The following MST1R variants were observed in gnomAD, a reference collection of about 807,000 sequenced individuals.
The protein encoded by MST1R is macrophage stimulating 1 receptor.
In MST1R, 99 loss-of-function variants were observed where a neutral mutation model predicts 117.8. The ratio of observed to expected loss-of-function variants is 0.84; its 90% confidence interval spans 0.71 to 0.99. MST1R has a LOEUF of 0.99. MST1R is among the 50% of genes least tolerant of loss of function. MST1R has a pLI of 0.00. For missense variants in MST1R, 1,683 were observed against 1,840.2 expected, an observed-to-expected ratio of 0.91 and a Z score of 1.56; for synonymous variants, 734 against 765.3, an observed-to-expected ratio of 0.96 and a Z score of 0.68.
Position 49,903,649 on chromosome 3 carries a change from G to T in MST1R, c.-40C>A, listed in dbSNP as rs1186503115. On this transcript the variant is annotated 5_prime_UTR_variant, in exon 1 of 20. Transcript: ENST00000296474. ...ACCCTAGAGGATCCCTACCGGCCTGGGCCTGGACCTGGGCGTGGGCCTGGC... is the reference window on the plus strand; with the variant it reads ...ACCCTAGAGGATCCCTACCGGCCTGTGCCTGGACCTGGGCGTGGGCCTGGC... 1.3e-6 allele frequency: 2 copies of T among 1,524,512 alleles called. No homozygotes were observed. The highest frequency in any genetic ancestry group is 1.3e-5 in the South Asian group (1 of 78,428). 94.4% of individuals were successfully genotyped at this position (1,524,512 alleles called of 1,614,324 possible). A position where few individuals can be genotyped will look rare whatever the true frequency, so the allele number is the denominator to read the frequency against.
intron 17 of MST1R, among the ~76,000 whole-genome samples, 189 bp downstream of exon 17, chr3:49,891,008 G>C (rs964190905): frequency 2.6e-5 from 4 of 152,156 alleles, no homozygotes; most frequent in African/African-American, 9.7e-5. Context: ...TTACAGACGT[G>C]AGCCACCGCG....
Position 49,891,748 on chromosome 3 carries a change from C to T in MST1R, c.3352+10G>A, listed in dbSNP as rs750872927. On this transcript the variant is annotated intron_variant, in intron 15 of 19. Transcript: ENST00000296474. ...CCTCCCTCTGCCTTCCCATCTTCTG[C>T]CCCACTTACGACTTAGTGACTTGAT... The T allele has an allele frequency of 6.2e-6, 10 of 1,613,878 alleles. No homozygotes were observed. The Admixed American group carries it at 1.3e-4, about 22-fold the overall frequency.
At chr3:49,894,172 G>A (rs909322195) in intron 14 of MST1R, among the ~76,000 whole-genome samples, 6 of 151,192 alleles carry the variant, frequency 4.0e-5, no homozygotes, top group Non-Finnish European at 7.4e-5. Context: ...CCGAGATCGC[G>A]CCATTGCACT....
intron 7 of MST1R, 77 bp from the exon 8 acceptor site, chr3:49,896,967 C>CCTCTCCCAGTTCGTCTGTTAT (rs2082498017): frequency 9.1e-6 from 13 of 1,427,200 alleles, no homozygotes; most frequent in South Asian, 1.5e-5. Flanking sequence ...GGCCTGTTGA[C>CCTCTCCCAGTTCGTCTGTTAT]CTCTCCCAGT....
rs548380699 is a variant in MST1R at position 49,887,462 on chromosome 3, C to T, written c.4048G>A (p.Gly1350Arg). 6.2e-7 allele frequency: 1 copy of T among 1,614,228 alleles called. No homozygotes were observed. Among genetic ancestry groups the T allele is most frequent in the South Asian group, 1.1e-5 (1 of 91,088 alleles). ...GCTGGCAGCTGCACATAATGGTCCC[C>T]AAGCAGTGCAGACACTATCTGCTCC... The part of the protein sequence containing the change: ...EVEQIVSALL[G>R]DHYVQLPATY... The change falls in exon 20 of 20, where the codon GGG becomes AGG. Residue 1350 changes from glycine (G) to arginine (R), a missense_variant. Physicochemically the swap from Gly to Arg is moderately radical, Grantham distance 125. Coordinates refer to ENST00000296474, the MANE Select transcript of MST1R (RefSeq NM_002447.4).
At chr3:49,889,683 G>A (rs945996887) in intron 19 of MST1R, among the ~76,000 whole-genome samples, 2 of 152,066 alleles carry the variant, frequency 1.3e-5, no homozygotes, top group African/African-American at 2.4e-5. Context: ...ATCAAACCAC[G>A]GGCCTCAACC....
intron 1 of MST1R, among the ~76,000 whole-genome samples, chr3:49,901,027 TG>T (rs1389380826): frequency 2.6e-5 from 4 of 152,204 alleles, no homozygotes; most frequent in African/African-American, 9.6e-5. Context: ...TTAGTCTTCC[TG>T]GAGCCTGGCA....
Position 49,896,593 on chromosome 3 carries a change from C to A in MST1R, c.2386G>T (p.Ala796Ser). ...ITICGQHLTS[A>S]WHLVLSFHDG... ...TGGAATGACAGCACTAAGTGCCATG[C>A]TGAAGTTAGATGCTGGCCACAGATG... Residue 796 changes from alanine (A) to serine (S), a missense_variant, in exon 9 of 20, where the codon GCA (alanine) becomes TCA (serine). Ala to Ser is a moderately conservative substitution (Grantham distance 99). Coordinates refer to ENST00000296474, the MANE Select transcript of MST1R (RefSeq NM_002447.4). 1 of 1,614,186 alleles carries A rather than the reference C, an allele frequency of 6.2e-7. No individual in the cohort carries two copies. Among genetic ancestry groups the A allele is most frequent in the South Asian group, 1.1e-5 (1 of 91,070 alleles).
Position 49,895,206 on chromosome 3 carries a change from C to T in MST1R, c.3232G>A (p.Glu1078Lys), listed in dbSNP as rs747839672. 1 of 1,614,184 alleles carries T rather than the reference C, an allele frequency of 6.2e-7. No individual in the cohort carries two copies. The highest frequency in any genetic ancestry group is 2.2e-5 in the East Asian group (1 of 44,882). Residue 1078 changes from glutamate to lysine, a missense_variant, in exon 14 of 20, where the codon GAG becomes AAG. Glu to Lys is a moderately conservative substitution (Grantham distance 56, BLOSUM62 1). Transcript: ENST00000296474. Reference protein sequence around the residue: ...AEVKDVLIPHERVVTHSDRVI... With the variant: ...AEVKDVLIPHKRVVTHSDRVI... ...CGGTCACTGTGGGTGACCACCCGCT[C>T]ATGGGGAATCAGCACATCCTTGACC...
chr3:49,889,042 T>A (rs2082238994), intron 19 of MST1R, among the ~76,000 whole-genome samples: 1 of 152,232 alleles, frequency 6.6e-6, no homozygotes, highest in African/African-American at 2.4e-5. Flanking sequence ...AGTAACTGAT[T>A]AATGCCTGGT....
chr3:49,897,593 G>C lies in MST1R; in HGVS notation c.1973C>G (p.Thr658Ser). The C allele has an allele frequency of 6.2e-7, 1 of 1,614,170 alleles. No individual in the cohort carries two copies. Among genetic ancestry groups the C allele is most frequent in the Non-Finnish European group, 8.5e-7 (1 of 1,180,046 alleles). Residue 658 changes from threonine to serine, a missense_variant, in exon 6 of 20, where the codon ACC becomes AGC. Thr to Ser is a moderately conservative substitution (Grantham distance 58, BLOSUM62 1). Transcript: ENST00000296474. ...QAVGPTNVSL[T>S]VTNMPPGKHF... Reference sequence around the variant, plus strand: ...CTTGCCCGGTGGCATGTTAGTCACGGTGAGGCTGACGTTGGTAGGCCCCAC... The same window carrying C: ...CTTGCCCGGTGGCATGTTAGTCACGCTGAGGCTGACGTTGGTAGGCCCCAC...
intron 1 of MST1R, among the ~76,000 whole-genome samples, chr3:49,900,322 G>A (rs1253308528): frequency 6.6e-6 from 1 of 152,168 alleles, no homozygotes; most frequent in African/African-American, 2.4e-5. Context: ...CTCCAGGGGA[G>A]GACTGTGGAA....
At position 49,899,083 on chromosome 3, in the gene MST1R, T is replaced by TA; in HGVS notation, c.1410dup (p.Ile471TyrfsTer23). ...TGGGGATGAGGACCCACCTGCAGGA[T>TA]ACGCCCATCCATTGTGCCCATGTGT... On this transcript the variant is annotated frameshift_variant, in exon 2 of 20. Transcript: ENST00000296474. LOFTEE classifies it high-confidence loss of function. 6.2e-7 allele frequency: 1 copy of TA among 1,614,108 alleles called. No individual in the cohort carries two copies. Among genetic ancestry groups the TA allele is most frequent in the Non-Finnish European group, 8.5e-7 (1 of 1,180,042 alleles).
Position 49,903,628 on chromosome 3 carries a change from T to C in MST1R, c.-19A>G, listed in dbSNP as rs946759231. Reference sequence around the variant, plus strand: ...GCTCCATCGAGGCGAGCTGGGACCCTAGAGGATCCCTACCGGCCTGGGCCT... The same window carrying C: ...GCTCCATCGAGGCGAGCTGGGACCCCAGAGGATCCCTACCGGCCTGGGCCT... On this transcript the variant is annotated 5_prime_UTR_variant, in exon 1 of 20. Transcript: ENST00000296474. 2 of 1,545,758 alleles carry C rather than the reference T, an allele frequency of 1.3e-6. No homozygotes were observed. Among genetic ancestry groups the C allele is most frequent in the Admixed American group, 1.8e-5 (1 of 55,296 alleles).
In MST1R at chr3:49,891,539, CCT is replaced by C. The variant is rs757750992; in HGVS notation, c.3392_3393del (p.Glu1131GlyfsTer23). The C allele has an allele frequency of 8.7e-6, 14 of 1,613,930 alleles. No individual in the cohort carries two copies. The highest frequency in any genetic ancestry group is 1.2e-5 in the Non-Finnish European group (14 of 1,180,036). On this transcript the variant is annotated frameshift_variant, in exon 16 of 20. Transcript: ENST00000296474. LOFTEE classifies it high-confidence loss of function. ...EMQQVEAFLR[E>X]GLLMRGLNHP... ...TGGTTCAGGCCACGCATGAGCAGCC[CCT>C]CTCGCAGGAAGGCCTCCACCTGCTG...
At chr3:49,900,634 T>C (rs923802869) in intron 1 of MST1R, among the ~76,000 whole-genome samples, 1 of 152,170 alleles carries the variant, frequency 6.6e-6, no homozygotes, top group Non-Finnish European at 1.5e-5. Flanking sequence ...TTGTCCTCAC[T>C]TGAGGCAGGA....
Position 49,903,627 on chromosome 3 carries a change from C to G in MST1R, c.-18G>C, listed in dbSNP as rs775768867. 17 of 1,545,682 alleles carry G rather than the reference C, an allele frequency of 1.1e-5. No homozygotes were observed. On this transcript the variant is annotated 5_prime_UTR_variant, in exon 1 of 20. Transcript: ENST00000296474. ...AGCTCCATCGAGGCGAGCTGGGACC[C>G]TAGAGGATCCCTACCGGCCTGGGCC...
chr3:49,891,784 A>G lies in MST1R; in HGVS notation c.3326T>C (p.Ile1109Thr). 6.2e-7 allele frequency: 1 copy of G among 1,614,000 alleles called. No individual in the cohort carries two copies. The highest frequency in any genetic ancestry group is 8.5e-7 in the Non-Finnish European group (1 of 1,179,998). Residue 1109 changes from isoleucine to threonine, a missense_variant, in exon 15 of 20, where the codon ATC becomes ACC. By Grantham distance (89) the Ile-to-Thr change is moderately conservative. Transcript: ENST00000296474. ...ACTTAGTGACTTGATGGCACATTGG[A>G]TTCGATTCTGGGCCTGGTCTATGTA... is the stretch of plus-strand genomic sequence containing the variant. ...GEYIDQAQNR[I>T]QCAIKSLSRI...
intron 14 of MST1R, among the ~76,000 whole-genome samples, chr3:49,892,559 T>C (rs1269223503): frequency 6.6e-6 from 1 of 151,010 alleles, no homozygotes; most frequent in Non-Finnish European, 1.5e-5. Flanking sequence ...CCAAGCGCAG[T>C]GCGCCTGTAA....
Sources: allele counts gnomAD v4.1 joint callset (sites outside exome capture counted in the v4.1 genomes callset), GRCh38; gene constraint gnomAD v4.1.1; transcripts MANE v1.5; gene names NCBI Gene and HGNC (gene_info 2026-07-23, HGNC 2026-07-21).